Variants in PCP4 observed in about 807,000 individuals in gnomAD.
PCP4 encodes the protein Purkinje cell protein 4.
PCP4 carries 8 observed loss-of-function variants against 10.0 expected under a neutral mutation model. That is an observed-to-expected ratio of 0.80 (90% confidence interval 0.47 to 1.45). The LOEUF is 1.45. PCP4 is among the 40% of genes most tolerant of loss of function. The pLI is 0.00. For missense variants in PCP4, 54 were observed against 74.4 expected (o/e 0.73, Z 1.01); for synonymous variants, 21 against 23.0 (o/e 0.91, Z 0.24).
intron 1 of PCP4, among the ~76,000 whole-genome samples, chr21:39,886,040 G>A (rs2087399217): frequency 6.6e-6 from 1 of 152,144 alleles, no homozygotes; most frequent in Non-Finnish European, 1.5e-5. Context: ...GCATGTCTGT[G>A]TTCAAATTGT....
At chr21:39,919,992 G>GT (rs2087587396) in intron 2 of PCP4, among the ~76,000 whole-genome samples, 1 of 142,848 alleles carries the variant, frequency 7.0e-6, no homozygotes, top group African/African-American at 2.6e-5. Flanking sequence ...TGTGTGTGTG[G>GT]GGTGTGTTTG....
intron 1 of PCP4, among the ~76,000 whole-genome samples, chr21:39,896,103 G>T (rs2087455912): frequency 6.6e-6 from 1 of 152,024 alleles, no homozygotes; most frequent in African/African-American, 2.4e-5. Flanking sequence ...TCTCCCCTGT[G>T]CACATTTCAT....
At chr21:39,898,688 T>C (rs554886732) in intron 2 of PCP4, among the ~76,000 whole-genome samples, 161 bp downstream of exon 2, 2 of 152,300 alleles carry the variant, frequency 1.3e-5, no homozygotes, top group South Asian at 4.1e-4. Flanking sequence ...CACTGAGGTC[T>C]GGTTTTATGA....
chr21:39,922,382 A>T (rs1246476011), intron 2 of PCP4, among the ~76,000 whole-genome samples: 1 of 152,224 alleles, frequency 6.6e-6, no homozygotes, highest in Non-Finnish European at 1.5e-5. Flanking sequence ...ATAATAAAAC[A>T]TATAATTGCA....
chr21:39,912,704 A>G (rs914694422), intron 2 of PCP4, among the ~76,000 whole-genome samples: 4 of 152,018 alleles, frequency 2.6e-5, no homozygotes, highest in Non-Finnish European at 5.9e-5. Context: ...ATTTTAATTT[A>G]ATCTATTTTT....
chr21:39,896,944 G>GT (rs1039645204), intron 1 of PCP4, among the ~76,000 whole-genome samples: 1 of 152,066 alleles, frequency 6.6e-6, no homozygotes, highest in African/African-American at 2.4e-5. Context: ...GTGCTCTGCT[G>GT]TTTTTTTCTA....
At chr21:39,897,766 G>A (rs984475230) in intron 1 of PCP4, among the ~76,000 whole-genome samples, 13 of 152,198 alleles carry the variant, frequency 8.5e-5, no homozygotes, top group African/African-American at 3.1e-4. Context: ...AAGACATTGG[G>A]CCGGGCGCGG....
chr21:39,894,743 TACTTTTGA>T (rs1310238521), intron 1 of PCP4, among the ~76,000 whole-genome samples: 3 of 152,204 alleles, frequency 2.0e-5, no homozygotes, highest in Non-Finnish European at 4.4e-5. Flanking sequence ...TAATAAATAA[TACTTTTGA>T]ACTATGACTA....
intron 2 of PCP4, among the ~76,000 whole-genome samples, chr21:39,911,714 C>A (rs1014014694): frequency 6.6e-6 from 1 of 152,198 alleles, no homozygotes; most frequent in African/African-American, 2.4e-5. Flanking sequence ...CTTGAAAAAG[C>A]CTCACTTGTC....
At chr21:39,910,456 C>G (rs1359262574) in intron 2 of PCP4, among the ~76,000 whole-genome samples, 3 of 152,096 alleles carry the variant, frequency 2.0e-5, no homozygotes, top group Admixed American at 2.0e-4. Flanking sequence ...TCACCAAAAT[C>G]CAATTTCCCA....
intron 1 of PCP4, among the ~76,000 whole-genome samples, chr21:39,889,667 C>T (rs560872551): frequency 5.9e-5 from 9 of 151,980 alleles, no homozygotes; most frequent in Non-Finnish European, 1.0e-4. Context: ...CTGCCTGCCT[C>T]GGCCTCCCAA....
intron 2 of PCP4, among the ~76,000 whole-genome samples, chr21:39,915,530 T>A (rs1388144232): frequency 9.2e-5 from 14 of 152,202 alleles, no homozygotes; most frequent in Admixed American, 9.2e-4. Flanking sequence ...TATTTCTCTG[T>A]CATATAGAAG....
At chr21:39,907,030 C>G (rs968582) in intron 2 of PCP4, among the ~76,000 whole-genome samples, 1 of 152,088 alleles carries the variant, frequency 6.6e-6, no homozygotes, top group Admixed American at 6.5e-5. Context: ...AGCAAAACCC[C>G]ACCTAGATCT....
chr21:39,880,883 T>G (rs892599927), intron 1 of PCP4, among the ~76,000 whole-genome samples: 15 of 152,344 alleles, frequency 9.8e-5, no homozygotes, highest in African/African-American at 3.6e-4. Context: ...GAATTGGGTT[T>G]GTTTTCCAGC....
At chr21:39,926,077 C>T (rs1568863387) in intron 2 of PCP4, 3 of 456,230 alleles carry the variant, frequency 6.6e-6, no homozygotes, top group Non-Finnish European at 1.3e-5. Flanking sequence ...CTTACACACT[C>T]CTGACTGGCT....
chr21:39,926,015 G>A lies in PCP4; in HGVS notation c.62-2969G>A, dbSNP rs768312772. The A allele has an allele frequency of 7.0e-5, 32 of 455,970 alleles. 1 individual carries two copies. The highest frequency in any genetic ancestry group is 5.0e-4 in the South Asian group (32 of 64,544). The allele number at this position is 455,970 out of a possible 1,614,324, so 28.2% of individuals were successfully genotyped here. A position where few individuals can be genotyped will look rare whatever the true frequency, so the allele number is the denominator to read the frequency against. On this transcript the variant is annotated intron_variant, in intron 2 of 2. Coordinates refer to ENST00000328619, the MANE Select transcript of PCP4 (RefSeq NM_006198.3). ...CATTTGTACTGAACCCTGTGCCACC[G>A]AGTCTAATTGGTTGTCCCTTCTCCA... is the stretch of plus-strand genomic sequence containing the variant.
chr21:39,913,245 A>T (rs1568860143), intron 2 of PCP4, among the ~76,000 whole-genome samples: 1 of 152,086 alleles, frequency 6.6e-6, no homozygotes, highest in African/African-American at 2.4e-5. Context: ...AGATAGTGTC[A>T]TTTTAAAAAA....
chr21:39,919,675 T>A (rs972926675), intron 2 of PCP4, among the ~76,000 whole-genome samples: 1 of 151,806 alleles, frequency 6.6e-6, no homozygotes. Context: ...GTGTGATGTG[T>A]GTGGTCTAAT....
chr21:39,926,184 C>T, intron 2 of PCP4: 1 of 366,838 alleles, frequency 2.7e-6, no homozygotes, highest in South Asian at 2.0e-5. Context: ...AGTAGCGATT[C>T]CTTAAATGTT....
Sources: allele counts gnomAD v4.1 joint callset (sites outside exome capture counted in the v4.1 genomes callset), GRCh38; gene constraint gnomAD v4.1.1; transcripts MANE v1.5; gene names NCBI Gene and HGNC (gene_info 2026-07-23, HGNC 2026-07-21).